BARX2: variants seen among roughly 807,000 people sequenced by gnomAD.
BARX2 encodes homeobox protein BarH-like 2.
Under a neutral mutation model 25.5 loss-of-function variants are expected in BARX2, and 11 were observed. The observed-to-expected ratio is 0.43, with a 90% confidence interval of 0.27 to 0.71. The LOEUF is 0.71. Ranked by LOEUF, BARX2 falls within the 30% of genes least tolerant of loss-of-function variation. The probability of loss-of-function intolerance (pLI) is 0.19; values close to 1 mark genes in which losing one functional copy is unlikely to be tolerated. For missense variants in BARX2, 360 were observed against 359.9 expected, an observed-to-expected ratio of 1.00 and a Z score of 0.00; for synonymous variants, 137 against 149.5, an observed-to-expected ratio of 0.92 and a Z score of 0.61.
At chr11:129,395,790 C>G (rs1445142912) in intron 1 of BARX2, among the ~76,000 whole-genome samples, 7 of 152,120 alleles carry the variant, frequency 4.6e-5, no homozygotes, top group Non-Finnish European at 1.0e-4. Context: ...GGACTTGGAG[C>G]CTGATGGTGT....
chr11:129,450,944 T>C (rs1218569796), intron 3 of BARX2, among the ~76,000 whole-genome samples, 192 bp from the exon 4 acceptor site: 1 of 152,172 alleles, frequency 6.6e-6, no homozygotes, highest in Non-Finnish European at 1.5e-5. Context: ...TGACCAAAAA[T>C]GCGTTGAGCA....
intron 1 of BARX2, among the ~76,000 whole-genome samples, chr11:129,401,848 T>G (rs1172852603): frequency 6.6e-6 from 1 of 151,716 alleles, no homozygotes; most frequent in Non-Finnish European, 1.5e-5. Context: ...TCCAGCTACT[T>G]CAGAGGCTGA....
At chr11:129,427,008 CT>C (rs969292464) in intron 1 of BARX2, among the ~76,000 whole-genome samples, 8 of 152,196 alleles carry the variant, frequency 5.3e-5, no homozygotes, top group Non-Finnish European at 1.0e-4. Flanking sequence ...CTGAATCTTG[CT>C]TTGCATGTGA....
chr11:129,409,665 G>T (rs562186320), intron 1 of BARX2, among the ~76,000 whole-genome samples: 83 of 152,208 alleles, frequency 5.5e-4, no homozygotes, highest in Non-Finnish European at 5.3e-4. Context: ...CTTTTATTGT[G>T]ATATCAAAAG....
At chr11:129,408,589 G>GT (rs1254795588) in intron 1 of BARX2, among the ~76,000 whole-genome samples, 1 of 152,058 alleles carries the variant, frequency 6.6e-6, no homozygotes, top group Non-Finnish European at 1.5e-5. Context: ...CTTAACCTAT[G>GT]TTGTTCCACT....
rs1861660340 is a variant in BARX2, at chr11:129,390,992, A to T, written c.187+14770A>T. Among the ~76,000 whole-genome samples the T allele has an allele frequency of 6.6e-6, 1 of 152,218 alleles. No individual in the cohort carries two copies. The highest frequency in any genetic ancestry group is 1.5e-5 in the Non-Finnish European group (1 of 68,042). ...TTTCCTCCAGAGCCTCCACTGCCTC[A>T]TTCTGTGATGTTTCAATACGTCAGT... is the stretch of plus-strand genomic sequence containing the variant. On this transcript the variant is annotated intron_variant, in intron 1 of 3. Coordinates refer to ENST00000281437, the MANE Select transcript of BARX2 (RefSeq NM_003658.5). This position sits in a 1 kb window ranked among gnomAD's most constrained non-coding sequence, Gnocchi z 4.3.
Position 129,386,586 on chromosome 11 carries a change from A to G in BARX2, c.187+10364A>G, listed in dbSNP as rs201375632. Reference sequence around the variant, plus strand: ...TGATCTCACAGAGATGTCTGTTACCAGCAATCAGTGGGCATCCTATTGTTT... The same window carrying G: ...TGATCTCACAGAGATGTCTGTTACCGGCAATCAGTGGGCATCCTATTGTTT... On this transcript the variant is annotated intron_variant, in intron 1 of 3. Transcript: ENST00000281437. 5.3e-5 allele frequency among the ~76,000 whole-genome samples: 8 copies of G among 152,354 alleles called. No individual in the cohort carries two copies. The East Asian group carries it at 1.5e-3, about 29-fold the overall frequency.
chr11:129,387,430 T>C (rs1435039213), intron 1 of BARX2, among the ~76,000 whole-genome samples: 1 of 152,186 alleles, frequency 6.6e-6, no homozygotes, highest in Non-Finnish European at 1.5e-5. Flanking sequence ...ATTTAGGATA[T>C]TTAGGGTAAA....
chr11:129,441,318 C>T (rs535796236), intron 2 of BARX2, among the ~76,000 whole-genome samples: 1 of 152,164 alleles, frequency 6.6e-6, no homozygotes, highest in Non-Finnish European at 1.5e-5. Flanking sequence ...CTTCTTAACT[C>T]TACGATCATC....
At chr11:129,398,613 T>C (rs1403263052) in intron 1 of BARX2, among the ~76,000 whole-genome samples, 1 of 152,242 alleles carries the variant, frequency 6.6e-6, no homozygotes, top group East Asian at 1.9e-4. Context: ...TTGGAATAGT[T>C]GCAACAGGTG....
Position 129,442,863 on chromosome 11 carries a change from A to G in BARX2, c.517A>G (p.Thr173Ala). 1 of 1,613,950 alleles carries G rather than the reference A, an allele frequency of 6.2e-7. No homozygotes were observed. ...RLDLAQSLGL[T>A]QLQVKTWYQN... ...GGACTTGGCTCAGTCTCTGGGACTC[A>G]CTCAGCTGCAGGTGAAGACCTGGTA... is the stretch of plus-strand genomic sequence containing the variant. The change falls in exon 3 of 4, where the codon ACT becomes GCT. Residue 173 changes from threonine (T) to alanine (A), a missense_variant. Around this residue, in one of 3 missense-constraint regions of BARX2, gnomAD observed 240 missense variants for 228.7 expected, o/e 1.05. Coordinates refer to ENST00000281437, the MANE Select transcript of BARX2 (RefSeq NM_003658.5).
chr11:129,420,225 A>G (rs1421707032), intron 1 of BARX2, among the ~76,000 whole-genome samples: 1 of 152,104 alleles, frequency 6.6e-6, no homozygotes, highest in African/African-American at 2.4e-5. Context: ...TTCCAAGCAG[A>G]AGCTTTTTGG....
intron 3 of BARX2, among the ~76,000 whole-genome samples, chr11:129,443,624 C>T (rs1222086860): frequency 1.3e-5 from 2 of 152,182 alleles, no homozygotes; most frequent in African/African-American, 4.8e-5. Context: ...ACCACAGTTT[C>T]CATCATCCTG....
intron 1 of BARX2, among the ~76,000 whole-genome samples, chr11:129,414,105 AT>A (rs1371273742): frequency 1.3e-5 from 2 of 150,694 alleles, no homozygotes; most frequent in Non-Finnish European, 2.9e-5. Flanking sequence ...TAGCTCGGGG[AT>A]TATTTAGGTT....
At chr11:129,441,331 C>T (rs1862254680) in intron 2 of BARX2, among the ~76,000 whole-genome samples, 1 of 152,118 alleles carries the variant, frequency 6.6e-6, no homozygotes, top group Non-Finnish European at 1.5e-5. Context: ...CGATCATCTG[C>T]CAGAGGTCGG....
rs118057206 is a variant in BARX2 at position 129,386,660 on chromosome 11, G to A, written c.187+10438G>A. Among the ~76,000 whole-genome samples, 48 of 152,276 alleles carry A rather than the reference G, an allele frequency of 3.2e-4. No homozygotes were observed. In the East Asian group the frequency reaches 8.3e-3, roughly 26 times the overall value. On this transcript the variant is annotated intron_variant, in intron 1 of 3. Transcript: ENST00000281437. Reference sequence around the variant, plus strand: ...TTTACTCCCTAATGACAACCATAGTGGCAGAAACTTTATTCAGCCCAACAC... The same window carrying A: ...TTTACTCCCTAATGACAACCATAGTAGCAGAAACTTTATTCAGCCCAACAC...
intron 1 of BARX2, among the ~76,000 whole-genome samples, chr11:129,381,942 G>C (rs1861569247): frequency 6.6e-6 from 1 of 152,148 alleles, no homozygotes; most frequent in South Asian, 2.1e-4. Context: ...TCGCTCCATG[G>C]GTACTAAATG....
intron 3 of BARX2, among the ~76,000 whole-genome samples, chr11:129,450,915 A>AAT (rs1591452440): frequency 6.6e-6 from 1 of 152,206 alleles, no homozygotes; most frequent in African/African-American, 2.4e-5. Context: ...GTTGTATTAA[A>AAT]TGCCAAAATA....
At chr11:129,423,263 C>A (rs188808299) in intron 1 of BARX2, among the ~76,000 whole-genome samples, 3 of 151,822 alleles carry the variant, frequency 2.0e-5, no homozygotes, top group East Asian at 3.9e-4. Flanking sequence ...ATTACAGGCA[C>A]CTGCCACCAC....
Sources: gnomAD v4.1 joint callset for allele counts (sites outside exome capture counted in the v4.1 genomes callset) on GRCh38, gnomAD v4.1.1 for gene constraint, gnomAD v4.1.1 regional missense constraint, Gnocchi (gnomAD v3.1) non-coding constraint, MANE v1.5 for transcripts, NCBI Gene and HGNC (gene_info 2026-07-23, HGNC 2026-07-21) for gene names.